The following TRERF1 variants were observed in gnomAD, a reference collection of about 807,000 sequenced individuals.
TRERF1 encodes transcriptional-regulating factor 1.
In TRERF1, 27 loss-of-function variants were observed where a neutral mutation model predicts 122.9. The ratio of observed to expected loss-of-function variants is 0.22; its 90% confidence interval spans 0.16 to 0.30. TRERF1 has a LOEUF of 0.30. Ranked by LOEUF, TRERF1 falls within the 10% of genes least tolerant of loss-of-function variation. TRERF1 has a pLI of 1.00. For missense variants in TRERF1, 1,248 were observed against 1,560.3 expected, an observed-to-expected ratio of 0.80 and a Z score of 3.37; for synonymous variants, 636 against 641.7, an observed-to-expected ratio of 0.99 and a Z score of 0.13.
exon 7 of TRERF1, chr6:42,264,793 T>C: frequency 6.2e-7 from 1 of 1,614,226 alleles, no homozygotes; most frequent in Non-Finnish European, 8.5e-7. Flanking sequence ...TTCAGGCAGA[T>C]GGAGCATGTC....
intron 2 of TRERF1, among the ~76,000 whole-genome samples, chr6:42,400,801 A>C (rs901792224): frequency 6.6e-6 from 1 of 152,178 alleles, no homozygotes; most frequent in Non-Finnish European, 1.5e-5. Flanking sequence ...CCCAATGTCA[A>C]ATAGTCTGTC....
At chr6:42,375,423 C>G (rs1477353581) in intron 2 of TRERF1, among the ~76,000 whole-genome samples, 1 of 152,226 alleles carries the variant, frequency 6.6e-6, no homozygotes, top group Non-Finnish European at 1.5e-5. Context: ...AGTTCCTCCT[C>G]TCTTAGCAAG....
intron 13 of TRERF1, among the ~76,000 whole-genome samples, chr6:42,248,836 G>A (rs1193284700): frequency 6.6e-6 from 1 of 152,082 alleles, no homozygotes; most frequent in Admixed American, 6.6e-5. Flanking sequence ...AGCACAGGGG[G>A]TTGGTGGGAT....
intron 17 of TRERF1, among the ~76,000 whole-genome samples, chr6:42,230,305 A>G (rs755368612): frequency 8.5e-5 from 13 of 152,204 alleles, no homozygotes; most frequent in Non-Finnish European, 1.8e-4. Flanking sequence ...TGTATTTTCC[A>G]TGAAATCATA....
At chr6:42,419,706 C>T (rs944421262) in intron 2 of TRERF1, among the ~76,000 whole-genome samples, 15 of 152,186 alleles carry the variant, frequency 9.9e-5, no homozygotes, top group Admixed American at 9.2e-4. Context: ...CACAGTTCTA[C>T]AGCACATAAC....
chr6:42,350,302 T>C (rs1040883118), intron 3 of TRERF1, among the ~76,000 whole-genome samples: 1 of 152,224 alleles, frequency 6.6e-6, no homozygotes, highest in Non-Finnish European at 1.5e-5. Context: ...TCGGGTCACA[T>C]GGTCAGTTAG....
intron 15 of TRERF1, among the ~76,000 whole-genome samples, chr6:42,242,455 A>G (rs1773922660): frequency 6.6e-6 from 1 of 152,206 alleles, no homozygotes; most frequent in African/African-American, 2.4e-5. Flanking sequence ...CAAAAGCTAG[A>G]GTTTAGTAAT....
At chr6:42,331,050 A>G (rs1219172816) in intron 3 of TRERF1, among the ~76,000 whole-genome samples, 3 of 152,170 alleles carry the variant, frequency 2.0e-5, no homozygotes, top group Non-Finnish European at 4.4e-5. Flanking sequence ...CTGGGTAAAT[A>G]GAAGGCACAG....
intron 2 of TRERF1, among the ~76,000 whole-genome samples, chr6:42,387,311 G>A (rs189145277): frequency 1.9e-3 from 293 of 152,248 alleles, no homozygotes; most frequent in African/African-American, 6.7e-3. Context: ...TAGCTCACAC[G>A]CTGCAAACTT....
chr6:42,408,761 T>G (rs187319253), intron 2 of TRERF1, among the ~76,000 whole-genome samples: 6 of 152,216 alleles, frequency 3.9e-5, no homozygotes, highest in Non-Finnish European at 7.4e-5. Flanking sequence ...TAATGATCAT[T>G]TTTATGGAAT....
At chr6:42,324,911 T>C (rs543747578) in intron 3 of TRERF1, among the ~76,000 whole-genome samples, 92 of 152,234 alleles carry the variant, frequency 6.0e-4, no homozygotes, top group African/African-American at 2.0e-3. Flanking sequence ...TAGGGCCTAA[T>C]TAAACTAAGG....
intron 2 of TRERF1, among the ~76,000 whole-genome samples, chr6:42,423,000 T>C (rs1249632137): frequency 1.3e-5 from 2 of 152,238 alleles, no homozygotes; most frequent in Admixed American, 6.5e-5. Flanking sequence ...CCACCACGCC[T>C]GGCTAATTTT....
intron 4 of TRERF1, among the ~76,000 whole-genome samples, chr6:42,289,322 C>T (rs1783863005): frequency 6.7e-6 from 1 of 148,960 alleles, no homozygotes; most frequent in South Asian, 2.1e-4. Context: ...CAGAGTGAGA[C>T]TCTGTCTCAA....
intron 13 of TRERF1, among the ~76,000 whole-genome samples, 166 bp from the exon 14 acceptor site, chr6:42,246,710 T>C (rs887710851): frequency 6.6e-6 from 1 of 152,204 alleles, no homozygotes; most frequent in African/African-American, 2.4e-5. Context: ...TTAGGAGCTC[T>C]GACACCTGGG....
intron 2 of TRERF1, among the ~76,000 whole-genome samples, chr6:42,442,183 C>T (rs1223212746): frequency 1.3e-5 from 2 of 152,014 alleles, no homozygotes; most frequent in Admixed American, 1.3e-4. Context: ...TTGGTATCTC[C>T]TATTGTAATG....
intron 3 of TRERF1, among the ~76,000 whole-genome samples, chr6:42,307,553 G>C (rs1787488810): frequency 6.6e-6 from 1 of 152,160 alleles, no homozygotes; most frequent in Non-Finnish European, 1.5e-5. Context: ...GACAAGTAGA[G>C]GAGCTTTGCA....
chr6:42,228,401 C>T lies in TRERF1; in HGVS notation c.3547G>A (p.Asp1183Asn), dbSNP rs147392486. The T allele has an allele frequency of 1.3e-4, 216 of 1,614,056 alleles. No individual in the cohort carries two copies. Among genetic ancestry groups the T allele is most frequent in the Middle Eastern group, 4.9e-4 (3 of 6,084 alleles). Residue 1183 changes from aspartate (D) to asparagine (N), a missense_variant, in exon 18 of 18, where the codon GAT (aspartate) becomes AAT (asparagine). Physicochemically the swap from Asp to Asn is conservative, Grantham distance 23. This residue lies in a region of TRERF1 where 84 missense variants were observed against 116.0 expected (regional missense o/e 0.72). Transcript: ENST00000372922. The surrounding 1 kb of genome is among the most constrained non-coding windows in gnomAD (Gnocchi z 4.2). ...GAATCTTGATCATCCAAGAGAAGAT[C>T]GGTGTCCACAACTTCAGCCTCTTCC... is the stretch of plus-strand genomic sequence containing the variant.
chr6:42,418,496 C>T (rs887761343), intron 2 of TRERF1, among the ~76,000 whole-genome samples: 2 of 151,912 alleles, frequency 1.3e-5, no homozygotes, highest in African/African-American at 4.8e-5. Flanking sequence ...GTCTCGAACT[C>T]CTGACATCAG....
rs1025556300 is a variant in TRERF1, at chr6:42,284,236, T to C, written c.-258-14388A>G. Among the ~76,000 whole-genome samples the C allele has an allele frequency of 9.9e-5, 15 of 151,152 alleles. 1 individual carries two copies. The East Asian group carries it at 2.7e-3, about 27-fold the overall frequency. The stretch of plus-strand genomic sequence containing the variant: ...GTCAATCTTTATAATTTTTAATTTT[T>C]TTTTTTTTTTTTGTAGAGACAGGGT... On this transcript the variant is annotated intron_variant, in intron 4 of 17. Coordinates refer to ENST00000372922, the Ensembl canonical transcript of TRERF1.
Sources: allele counts gnomAD v4.1 joint callset (sites outside exome capture counted in the v4.1 genomes callset), GRCh38; gene constraint gnomAD v4.1.1; regional missense constraint gnomAD v4.1.1; non-coding constraint Gnocchi (gnomAD v3.1); transcripts MANE v1.5; gene names NCBI Gene and HGNC (gene_info 2026-07-23, HGNC 2026-07-21).